CDON: variants seen among roughly 807,000 people sequenced by gnomAD.
CDON encodes the protein cell adhesion associated, oncogene regulated.
A neutral mutation model predicts 120.9 loss-of-function variants in CDON; 73 were observed. The ratio of observed to expected loss-of-function variants is 0.60; its 90% CI spans 0.50 to 0.73. The LOEUF (loss-of-function observed/expected upper bound fraction) is 0.73, where lower values mean the gene tolerates loss of function less well. Ranked by LOEUF, CDON falls within the 30% of genes least tolerant of loss-of-function variation. The pLI, the probability that CDON is intolerant of heterozygous loss-of-function variation, is 0.00. For missense variants in CDON, 1,470 were observed against 1,587.3 expected (o/e 0.93, Z 1.26); for synonymous variants, 566 against 573.5 (o/e 0.99, Z 0.19).
Position 126,016,719 on chromosome 11 carries a change from G to T in CDON, c.928+369C>A, listed in dbSNP as rs532692211. On this transcript the variant is annotated intron_variant, in intron 6 of 19. Coordinates refer to ENST00000531738, the MANE Select transcript of CDON (RefSeq NM_001378964.1). The stretch of plus-strand genomic sequence containing the variant: ...AAGTGTGAGTTACCATGCCTGGCCT[G>T]ACATTTTCTCATCAGTACTCTGTCT... Among the ~76,000 whole-genome samples the T allele has an allele frequency of 1.3e-4, 20 of 152,220 alleles. No homozygotes were observed. The South Asian group carries it at 2.3e-3, about 17-fold the overall frequency.
chr11:125,968,014 G>A (rs931330506), intron 18 of CDON, among the ~76,000 whole-genome samples: 3 of 152,074 alleles, frequency 2.0e-5, no homozygotes, highest in South Asian at 2.1e-4. Context: ...GGGCCACCAC[G>A]CCTGGCTAAA....
chr11:126,048,024 C>A (rs899726077), intron 1 of CDON, among the ~76,000 whole-genome samples: 1 of 152,132 alleles, frequency 6.6e-6, no homozygotes, highest in African/African-American at 2.4e-5. Flanking sequence ...TGCCTGTAAT[C>A]CCAGCACTTT....
intron 18 of CDON, among the ~76,000 whole-genome samples, chr11:125,964,552 A>T (rs1190498129): frequency 6.6e-6 from 1 of 152,164 alleles, no homozygotes; most frequent in African/African-American, 2.4e-5. Context: ...GATGTCTAAA[A>T]TTCAAAGGTA....
chr11:126,055,988 A>G lies in CDON; in HGVS notation c.-62+6591T>C, dbSNP rs1020205080. Among the ~76,000 whole-genome samples, 11 of 152,324 alleles carry G rather than the reference A, an allele frequency of 7.2e-5. No individual in the cohort carries two copies. The East Asian group carries it at 7.7e-4, about 11-fold the overall frequency. Reference sequence around the variant, plus strand: ...CCAATGGCTGTTGGTAACTTTTAACATATTTCCTACCTCCAAAATCATGTA... The same window carrying G: ...CCAATGGCTGTTGGTAACTTTTAACGTATTTCCTACCTCCAAAATCATGTA... On this transcript the variant is annotated intron_variant, in intron 1 of 19. Coordinates refer to ENST00000531738, the MANE Select transcript of CDON (RefSeq NM_001378964.1).
chr11:125,966,533 G>A (rs4430526), intron 18 of CDON, among the ~76,000 whole-genome samples: 73,389 of 151,816 alleles, frequency 0.48, 18,385 homozygotes, highest in East Asian at 0.7. Context: ...CAGGGGGAAA[G>A]GAGAGAATGC....
rs1947492202 is a variant in CDON at position 126,017,143 on chromosome 11, C to T, written c.873G>A (p.Met291Ile). Residue 291 changes from methionine (M) to isoleucine (I), a missense_variant, in exon 6 of 20, where the codon ATG becomes ATA. Transcript: ENST00000531738. ...TTACATCTCCAGACTTGTTTCCCGC[C>T]ATGCAGGAATAGTTTCCGGAGTCCG... ...DPADSGNYSC[M>I]AGNKSGDVKY... 6.2e-7 allele frequency: 1 copy of T among 1,613,912 alleles called. No homozygotes were observed. The highest frequency in any genetic ancestry group is 1.3e-5 in the African/African-American group (1 of 74,918).
intron 2 of CDON, among the ~76,000 whole-genome samples, chr11:126,022,690 G>A (rs1454324220): frequency 1.3e-5 from 2 of 152,012 alleles, no homozygotes; most frequent in East Asian, 3.9e-4. Flanking sequence ...TGGTTGTTTA[G>A]CAAAACAAAA....
chr11:126,022,680 T>C (rs1357943679), intron 2 of CDON, among the ~76,000 whole-genome samples: 1 of 152,118 alleles, frequency 6.6e-6, no homozygotes, highest in East Asian at 1.9e-4. Flanking sequence ...GAATCTGGGG[T>C]GGTTGTTTAG....
In CDON at chr11:125,989,685, C is replaced by T. The variant is rs760653343; in HGVS notation, c.2725G>A (p.Glu909Lys). The T allele has an allele frequency of 2.5e-6, 4 of 1,613,256 alleles. No homozygotes were observed. The South Asian group carries it at 4.4e-5, about 18-fold the overall frequency. The change falls in exon 15 of 20, where the codon GAA becomes AAA. Residue 909 changes from glutamate to lysine, a missense_variant. Transcript: ENST00000531738. The part of the protein sequence containing the change: ...SYDIKMQCFN[E>K]GGESEFSNVM... ...TTGCTAAATTCACTTTCTCCTCCTT[C>T]ATTGAAGCATTGCATTTTAATGTCA...
In CDON at chr11:126,054,847, A is replaced by G. The variant is rs557813325; in HGVS notation, c.-62+7732T>C. On this transcript the variant is annotated intron_variant, in intron 1 of 19. Transcript: ENST00000531738. ...ATAGGGGAAAATCACATTGTCCTTA[A>G]GGAATAAAGGGGAGACTGACACGTA... Among the ~76,000 whole-genome samples the G allele has an allele frequency of 1.8e-3, 272 of 152,308 alleles. 1 individual carries two copies. Among genetic ancestry groups the G allele is most frequent in the Non-Finnish European group, 3.1e-3 (208 of 68,030 alleles).
rs1461418143 is a variant in CDON, at chr11:125,958,143, C to T, written c.*2799G>A. On this transcript the variant is annotated 3_prime_UTR_variant, in exon 20 of 20. Transcript: ENST00000531738. ...CGGAGTTGGAGCCTCGGAGGAATTC[C>T]ACGGCAGGGATAGATCACAGCATAC... is the stretch of plus-strand genomic sequence containing the variant. 1.3e-5 allele frequency: 2 copies of T among 152,176 alleles called. No homozygotes were observed. The highest frequency in any genetic ancestry group is 2.9e-5 in the Non-Finnish European group (2 of 68,052). The allele number at this position is 152,176 out of a possible 1,614,324, so 9.4% of individuals were successfully genotyped here. A position where few individuals can be genotyped will look rare whatever the true frequency, so the allele number is the denominator to read the frequency against.
intron 1 of CDON, among the ~76,000 whole-genome samples, chr11:126,053,187 C>T (rs1263203058): frequency 6.6e-6 from 1 of 152,092 alleles, no homozygotes; most frequent in Admixed American, 6.5e-5. Context: ...ATGGAAGAAA[C>T]AATAAAATGA....
At chr11:125,963,391 T>C (rs1945703670) in intron 18 of CDON, among the ~76,000 whole-genome samples, 1 of 152,150 alleles carries the variant, frequency 6.6e-6, no homozygotes, top group Admixed American at 6.5e-5. Flanking sequence ...AGGAAACACA[T>C]AGGACTGACC....
rs11220330 is a variant in CDON at position 126,056,876 on chromosome 11, T to C, written c.-62+5703A>G. 3.2e-3 allele frequency among the ~76,000 whole-genome samples: 485 copies of C among 152,344 alleles called. 6 individuals are homozygous for C. The highest frequency in any genetic ancestry group is 0.024 in the East Asian group (125 of 5,186). The stretch of plus-strand genomic sequence containing the variant: ...TTCCTTTTATGGTGGACTTTTCTTT[T>C]TTCTTCAGAAAAGCATTGTACTGTT... On this transcript the variant is annotated intron_variant, in intron 1 of 19. Coordinates refer to ENST00000531738, the MANE Select transcript of CDON (RefSeq NM_001378964.1).
At chr11:125,962,310 C>T (rs1945667705) in intron 18 of CDON, among the ~76,000 whole-genome samples, 1 of 152,026 alleles carries the variant, frequency 6.6e-6, no homozygotes, top group Non-Finnish European at 1.5e-5. Flanking sequence ...TAACTGGCTC[C>T]CAAAAGTAGC....
intron 1 of CDON, among the ~76,000 whole-genome samples, chr11:126,042,968 G>A (rs1334081346): frequency 6.6e-6 from 1 of 152,272 alleles, no homozygotes; most frequent in East Asian, 1.9e-4. Context: ...TCTGGAGGCA[G>A]GGAACCTAAG....
intron 18 of CDON, among the ~76,000 whole-genome samples, chr11:125,970,870 G>A (rs909097122): frequency 3.9e-5 from 6 of 152,146 alleles, no homozygotes; most frequent in Non-Finnish European, 8.8e-5. Context: ...GACAGACTTG[G>A]GGAGATATAT....
chr11:126,048,937 A>T (rs1273497453), intron 1 of CDON, among the ~76,000 whole-genome samples: 1 of 152,224 alleles, frequency 6.6e-6, no homozygotes, highest in Non-Finnish European at 1.5e-5. Context: ...TCCCAATCTC[A>T]GGTGATCCGC....
intron 18 of CDON, among the ~76,000 whole-genome samples, chr11:125,971,346 G>T (rs1037886876): frequency 6.6e-6 from 1 of 151,818 alleles, no homozygotes; most frequent in African/African-American, 2.4e-5. Context: ...TCGCACCACT[G>T]CACTCCAGCC....
Sources: gnomAD v4.1 joint callset for allele counts (sites outside exome capture counted in the v4.1 genomes callset) on GRCh38, gnomAD v4.1.1 for gene constraint, MANE v1.5 for transcripts, NCBI Gene and HGNC (gene_info 2026-07-23, HGNC 2026-07-21) for gene names.